Variants in SHPRH observed in about 807,000 individuals in gnomAD.
The protein encoded by SHPRH is SNF2 histone linker PHD RING helicase.
SHPRH carries 106 observed loss-of-function variants against 202.5 expected under a neutral mutation model. The ratio of observed to expected loss-of-function variants is 0.52; its 90% CI spans 0.45 to 0.62. The LOEUF is 0.62. Among genes scored for constraint, SHPRH ranks in the 20% least tolerant of loss-of-function variants. The pLI, the probability that SHPRH is intolerant of heterozygous loss-of-function variation, is 0.00. For missense variants in SHPRH, 1,710 were observed against 2,020.0 expected (o/e 0.85, Z 2.94); for synonymous variants, 729 against 686.0 (o/e 1.06, Z -0.98).
intron 28 of SHPRH, among the ~76,000 whole-genome samples, chr6:145,889,560 G>A (rs1002774653): frequency 1.3e-5 from 2 of 152,036 alleles, no homozygotes; most frequent in Admixed American, 6.6e-5. Context: ...CATTAAAAAC[G>A]TTGTTTTGTG....
At chr6:145,862,752 C>T (rs527538449), downstream of SHPRH, 21 of 152,292 alleles carry the variant, frequency 1.4e-4, no homozygotes, top group Admixed American at 1.1e-3. Context: ...ACAGTATTTT[C>T]ATGTCTGTGA....
chr6:145,916,147 T>C (rs1783931044), intron 23 of SHPRH, among the ~76,000 whole-genome samples: 1 of 152,164 alleles, frequency 6.6e-6, no homozygotes, highest in African/African-American at 2.4e-5. Flanking sequence ...TGATTTCAGA[T>C]ACTGTATTTC....
intron 2 of SHPRH, among the ~76,000 whole-genome samples, chr6:145,879,168 T>C (rs2128697971): frequency 6.6e-6 from 1 of 152,312 alleles, no homozygotes; most frequent in African/African-American, 2.4e-5. Context: ...TTGTGAGCCA[T>C]AGTTATCATA....
chr6:145,927,562 G>C (rs537800678), intron 14 of SHPRH, among the ~76,000 whole-genome samples: 55 of 151,492 alleles, frequency 3.6e-4, no homozygotes, highest in African/African-American at 1.2e-3. Flanking sequence ...GTAATGTTTT[G>C]AGATTATGCT....
At chr6:145,934,754 C>G (rs1582753170) in intron 13 of SHPRH, among the ~76,000 whole-genome samples, 153 bp downstream of exon 13, 1 of 152,116 alleles carries the variant, frequency 6.6e-6, no homozygotes, top group Middle Eastern at 3.4e-3. Context: ...TGGTAATTCT[C>G]CGTTGCAAAT....
At position 145,916,718 on chromosome 6, in the gene SHPRH, C is replaced by G. The variant is rs1439844885; in HGVS notation, c.4254+1413G>C. On this transcript the variant is annotated intron_variant, in intron 23 of 29. Transcript: ENST00000275233. ...ATAACTGTCTTTTTATTTTGACTAT[C>G]ATATTTAAAGTATAGAAATCTTACA... Among the ~76,000 whole-genome samples the G allele has an allele frequency of 2.0e-5, 3 of 152,036 alleles. No individual in the cohort carries two copies. In the East Asian group the frequency reaches 5.8e-4, roughly 29 times the overall value.
chr6:145,901,276 C>A (rs574619714), intron 25 of SHPRH, among the ~76,000 whole-genome samples: 2 of 151,946 alleles, frequency 1.3e-5, no homozygotes, highest in Admixed American at 6.6e-5. Flanking sequence ...TGTTTTATAC[C>A]GCCTTAATGA....
rs769020719 is a variant in SHPRH at position 145,943,526 on chromosome 6, A to G, written c.1855T>C (p.Cys619Arg). ...ITDVAMSKST[C>R]ISEFNQEHET... ...TGTTCTTGGTTGAATTCAGAGATAC[A>G]TGTACTTTTAGACATAGCAACATCA... The change falls in exon 9 of 30, where the codon TGT becomes CGT. Residue 619 changes from cysteine to arginine, a missense_variant. Coordinates refer to ENST00000275233, the MANE Select transcript of SHPRH (RefSeq NM_001042683.3). The G allele has an allele frequency of 2.5e-6, 4 of 1,614,032 alleles. No homozygotes were observed. Among genetic ancestry groups the G allele is most frequent in the Non-Finnish European group, 3.4e-6 (4 of 1,179,948 alleles).
intron 1 of SHPRH, among the ~76,000 whole-genome samples, chr6:145,960,821 G>T (rs1247573692): frequency 6.6e-6 from 1 of 152,056 alleles, no homozygotes; most frequent in African/African-American, 2.4e-5. Context: ...AACCTTTTTG[G>T]TACCATAAAT....
chr6:145,934,996 G>A lies in SHPRH; in HGVS notation c.2901C>T (p.Val967=). The change falls in exon 13 of 30, where the codon GTC becomes GTT. Residue 967 remains valine, a synonymous_variant. Transcript: ENST00000275233. Reference sequence around the variant, plus strand: ...TCAGCAATGGATACAGGATAGAGGTGACAGTCCTTCTGTCTAGGCTGCTGA... The same window carrying A: ...TCAGCAATGGATACAGGATAGAGGTAACAGTCCTTCTGTCTAGGCTGCTGA... The part of the protein sequence containing the change: ...LKLSSLDRRT[V]TSILYPLLRL... 6.2e-7 allele frequency: 1 copy of A among 1,614,060 alleles called. No homozygotes were observed. The highest frequency in any genetic ancestry group is 2.2e-5 in the East Asian group (1 of 44,862).
intron 18 of SHPRH, among the ~76,000 whole-genome samples, chr6:145,923,272 T>A (rs546002711): frequency 2.2e-4 from 33 of 150,678 alleles, no homozygotes; most frequent in African/African-American, 7.0e-4. Context: ...CTTGGTTGAA[T>A]ATATATATAT....
chr6:145,902,647 G>A (rs2128725541), intron 25 of SHPRH, among the ~76,000 whole-genome samples: 1 of 149,216 alleles, frequency 6.7e-6, no homozygotes, highest in Admixed American at 6.7e-5. Flanking sequence ...GGGGAAAAAA[G>A]AGGGCGCAAT....
chr6:145,945,288 AAG>A, intron 8 of SHPRH, 91 bp downstream of exon 8: 7 of 1,388,592 alleles, frequency 5.0e-6, no homozygotes, highest in Non-Finnish European at 6.7e-6. Context: ...TTCAGATCGT[AAG>A]AGTTTCAGTT....
In SHPRH at chr6:145,954,979, A is replaced by C; in HGVS notation, c.344T>G (p.Phe115Cys). The change falls in exon 2 of 30, where the codon TTT (phenylalanine) becomes TGT (cysteine). Residue 115 changes from phenylalanine (F) to cysteine (C), a missense_variant. Around this residue, in one of 8 missense-constraint regions of SHPRH, gnomAD observed 459 missense variants for 426.5 expected, o/e 1.08. Coordinates refer to ENST00000275233, the MANE Select transcript of SHPRH (RefSeq NM_001042683.3). ...PYHFDNSWKA[F>C]LGELTLQLLP... is the part of the protein sequence containing the mutation. ...AAGCTGAAGAGTTAATTCTCCTAGAAATGCTTTCCAGGAATTATCAAAATG... is the reference window on the plus strand; with the variant it reads ...AAGCTGAAGAGTTAATTCTCCTAGACATGCTTTCCAGGAATTATCAAAATG... 6.2e-7 allele frequency: 1 copy of C among 1,613,832 alleles called. No homozygotes were observed. Among genetic ancestry groups the C allele is most frequent in the Admixed American group, 1.7e-5 (1 of 59,974 alleles).
intron 11 of SHPRH, 86 bp from the exon 12 acceptor site, chr6:145,935,527 C>T (rs1785977020): frequency 7.8e-7 from 1 of 1,274,420 alleles, no homozygotes. Flanking sequence ...CATTACACAG[C>T]ACATAGAACT....
At chr6:145,915,857 T>G (rs1163677012) in intron 23 of SHPRH, among the ~76,000 whole-genome samples, 4 of 152,080 alleles carry the variant, frequency 2.6e-5, no homozygotes. Context: ...ACTTCTTGAA[T>G]CTTTAAGATA....
rs549050098 is a variant in SHPRH at position 145,950,601 on chromosome 6, T to C, written c.764-119A>G. ...ACTCTGGGGCCTTGCTCAGTGTGTT[T>C]TGTCACTGAAAGGCCCTATCTTTAA... On this transcript the variant is annotated intron_variant, in intron 3 of 29. Transcript: ENST00000275233. The C allele has an allele frequency of 3.6e-6, 3 of 830,602 alleles. 1 individual carries two copies. Among genetic ancestry groups the C allele is most frequent in the South Asian group, 3.4e-5 (2 of 58,676 alleles). The allele number at this position is 830,602 out of a possible 1,614,324, so 51.5% of individuals were successfully genotyped here. A position where few individuals can be genotyped will look rare whatever the true frequency, so the allele number is the denominator to read the frequency against.
intron 27 of SHPRH, 103 bp from the exon 28 acceptor site, chr6:145,893,496 T>A: frequency 9.2e-7 from 1 of 1,086,598 alleles, no homozygotes; most frequent in Non-Finnish European, 1.2e-6. Context: ...ATTACTATTG[T>A]GAAAGGTAAC....
At chr6:145,880,745 T>G (rs1780525349), downstream of SHPRH, among the ~76,000 whole-genome samples, 1 of 151,752 alleles carries the variant, frequency 6.6e-6, no homozygotes, top group Non-Finnish European at 1.5e-5. Context: ...AATATATACA[T>G]TACAAAATAT....
Sources: gnomAD v4.1 joint callset for allele counts (sites outside exome capture counted in the v4.1 genomes callset) on GRCh38, gnomAD v4.1.1 for gene constraint, gnomAD v4.1.1 regional missense constraint, MANE v1.5 for transcripts, NCBI Gene and HGNC (gene_info 2026-07-23, HGNC 2026-07-21) for gene names.